TRDN: variants seen among roughly 807,000 people sequenced by gnomAD.
TRDN encodes the protein triadin in skeletal muscle.
In TRDN, 161 loss-of-function variants were observed where a neutral mutation model predicts 149.7. That is an observed-to-expected ratio of 1.08 (90% CI 0.95 to 1.23). The LOEUF is 1.23. Among genes scored for constraint, TRDN ranks in the 50% most tolerant of loss-of-function variants. TRDN has a pLI of 0.00. For missense variants in TRDN, 896 were observed against 823.5 expected, an observed-to-expected ratio of 1.09 and a Z score of -1.08; for synonymous variants, 294 against 250.5, an observed-to-expected ratio of 1.17 and a Z score of -1.64.
At chr6:123,286,446 T>C (rs888494421) in intron 24 of TRDN, among the ~76,000 whole-genome samples, 14 of 152,110 alleles carry the variant, frequency 9.2e-5, no homozygotes, top group East Asian at 1.9e-4. Flanking sequence ...AAACATTGTA[T>C]GTTCTCACTC....
intron 12 of TRDN, among the ~76,000 whole-genome samples, chr6:123,413,638 A>C (rs1292718532): frequency 2.0e-5 from 3 of 152,158 alleles, no homozygotes; most frequent in African/African-American, 7.2e-5. Flanking sequence ...TTGACAAGAG[A>C]AAGAGTGGTG....
intron 9 of TRDN, among the ~76,000 whole-genome samples, chr6:123,480,260 A>AAAAAAG (rs1402552906): frequency 6.6e-6 from 1 of 151,836 alleles, no homozygotes; most frequent in Non-Finnish European, 1.5e-5. Context: ...AAAAAAAAAA[A>AAAAAAG]AAAAAGAATG....
chr6:123,562,587 T>C (rs1196484684), intron 2 of TRDN, among the ~76,000 whole-genome samples: 2 of 152,188 alleles, frequency 1.3e-5, no homozygotes, highest in Non-Finnish European at 2.9e-5. Flanking sequence ...AAATAATGTC[T>C]GTTTATAAGC....
At chr6:123,630,962 A>G (rs943240783) in intron 1 of TRDN, among the ~76,000 whole-genome samples, 2 of 151,930 alleles carry the variant, frequency 1.3e-5, no homozygotes, top group Non-Finnish European at 2.9e-5. Flanking sequence ...AGTAGTGGAG[A>G]TAGTGCCTGA....
chr6:123,611,858 T>C (rs189755151), intron 1 of TRDN, among the ~76,000 whole-genome samples: 7 of 152,260 alleles, frequency 4.6e-5, no homozygotes, highest in Non-Finnish European at 7.4e-5. Context: ...TTGCTTTATC[T>C]GATAATAAAG....
chr6:123,348,476 G>A (rs1347112491), intron 21 of TRDN, among the ~76,000 whole-genome samples: 2 of 152,000 alleles, frequency 1.3e-5, no homozygotes, highest in Admixed American at 6.6e-5. Flanking sequence ...AGTAATTGAT[G>A]ATAAGGAACT....
At position 123,464,353 on chromosome 6, in the gene TRDN, T is replaced by A. The variant is rs1015012964; in HGVS notation, c.931+553A>T. ...CCAGTTGTATATAGTACTTATAAAC[T>A]ATACATATACATAAAACAGTATTTG... On this transcript the variant is annotated intron_variant, in intron 10 of 40. Coordinates refer to ENST00000334268, the MANE Select transcript of TRDN (RefSeq NM_006073.4). 5.1e-6 allele frequency: 5 copies of A among 973,524 alleles called. No individual in the cohort carries two copies. The African/African-American group carries it at 8.8e-5, about 17-fold the overall frequency. The allele number at this position is 973,524 out of a possible 1,614,324, so 60.3% of individuals were successfully genotyped here. A position where few individuals can be genotyped will look rare whatever the true frequency, so the allele number is the denominator to read the frequency against.
rs376214235 is a variant in TRDN at position 123,265,321 on chromosome 6, G to C, written c.1801C>G (p.Pro601Ala). ...AATTCTAAAATGGTACACTTACTTG[G>C]AGTTGGTTTTGGTTTGTCTAAAAAG... ...SIKTDKPKPT[P>A]KGTSEVTESG... Residue 601 changes from proline (P) to alanine (A), a missense_variant, in exon 33 of 41, where the codon CCA (proline) becomes GCA (alanine). Physicochemically the swap from Pro to Ala is conservative, Grantham distance 27. Coordinates refer to ENST00000334268, the MANE Select transcript of TRDN (RefSeq NM_006073.4). 148 of 1,417,586 alleles carry C rather than the reference G, an allele frequency of 1.0e-4. No individual in the cohort carries two copies. Among genetic ancestry groups the C allele is most frequent in the Non-Finnish European group, 1.3e-4 (142 of 1,060,860 alleles). The allele number at this position is 1,417,586 out of a possible 1,614,324, so 87.8% of individuals were successfully genotyped here. A position where few individuals can be genotyped will look rare whatever the true frequency, so the allele number is the denominator to read the frequency against.
intron 15 of TRDN, among the ~76,000 whole-genome samples, chr6:123,381,679 T>G (rs1438989851): frequency 6.6e-6 from 1 of 152,016 alleles, no homozygotes; most frequent in East Asian, 1.9e-4. Context: ...CTTAAACACA[T>G]AAAAACACAT....
chr6:123,330,801 C>T (rs576329712), intron 23 of TRDN, among the ~76,000 whole-genome samples: 2 of 152,144 alleles, frequency 1.3e-5, no homozygotes, highest in Non-Finnish European at 2.9e-5. Flanking sequence ...AATGGTGGCT[C>T]TCCATGCATC....
At chr6:123,582,849 G>A (rs1455337886) in intron 1 of TRDN, among the ~76,000 whole-genome samples, 1 of 57,580 alleles carries the variant, frequency 1.7e-5, no homozygotes, top group Non-Finnish European at 3.1e-5. Flanking sequence ...TCTCAGGGCT[G>A]CTTTGAGTGG....
At chr6:123,538,382 G>A (rs1301559774) in intron 4 of TRDN, among the ~76,000 whole-genome samples, 1 of 152,080 alleles carries the variant, frequency 6.6e-6, no homozygotes, top group African/African-American at 2.4e-5. Context: ...ACAGCTGTTT[G>A]CTGAATTATT....
At chr6:123,297,470 GTTTT>G (rs57768447) in intron 24 of TRDN, among the ~76,000 whole-genome samples, 1 of 151,240 alleles carries the variant, frequency 6.6e-6, no homozygotes, top group Admixed American at 6.6e-5. Context: ...CTACTTCGAA[GTTTT>G]TTTTTATGTG....
intron 21 of TRDN, chr6:123,352,254 C>T: frequency 3.0e-6 from 3 of 984,888 alleles, no homozygotes; most frequent in Non-Finnish European, 3.6e-6. Flanking sequence ...TACCCTGGAT[C>T]ATTGTCTTAT....
intron 21 of TRDN, chr6:123,351,435 A>T (rs1780460025): frequency 2.0e-6 from 2 of 984,856 alleles, no homozygotes; most frequent in East Asian, 1.1e-4. Context: ...TCAGAAACTA[A>T]AATTCCACTC....
At chr6:123,564,340 C>T (rs960662954) in intron 2 of TRDN, among the ~76,000 whole-genome samples, 12 of 152,056 alleles carry the variant, frequency 7.9e-5, no homozygotes, top group African/African-American at 2.9e-4. Context: ...TTGATAGAGT[C>T]CTAAATGTTG....
At chr6:123,518,973 A>G (rs1404015696) in intron 5 of TRDN, among the ~76,000 whole-genome samples, 2 of 152,168 alleles carry the variant, frequency 1.3e-5, no homozygotes, top group Admixed American at 6.5e-5. Context: ...AATCACCTAT[A>G]GAGCAGCTGC....
At chr6:123,408,934 A>G (rs1373329555) in intron 12 of TRDN, among the ~76,000 whole-genome samples, 3 of 152,204 alleles carry the variant, frequency 2.0e-5, no homozygotes, top group Non-Finnish European at 2.9e-5. Flanking sequence ...ACTGGAGAGC[A>G]CTGCATACAA....
chr6:123,304,647 G>A (rs1778545526), intron 24 of TRDN, among the ~76,000 whole-genome samples: 1 of 151,940 alleles, frequency 6.6e-6, no homozygotes, highest in African/African-American at 2.4e-5. Context: ...AACTTATTTA[G>A]TTTATTTGAA....
Sources: allele counts gnomAD v4.1 joint callset (sites outside exome capture counted in the v4.1 genomes callset), GRCh38; gene constraint gnomAD v4.1.1; transcripts MANE v1.5; gene names NCBI Gene and HGNC (gene_info 2026-07-23, HGNC 2026-07-21).